The following LRCH3 variants were observed in gnomAD, a reference collection of about 807,000 sequenced individuals.
LRCH3 encodes DISP complex protein LRCH3.
Under a neutral mutation model 104.5 loss-of-function variants are expected in LRCH3, and 68 were observed. The ratio of observed to expected loss-of-function variants is 0.65; its 90% CI spans 0.54 to 0.80. LRCH3 has a LOEUF of 0.80. LRCH3 is among the 30% of genes least tolerant of loss of function. The pLI is 0.00. For synonymous variants in LRCH3, 344 were observed against 361.3 expected (o/e 0.95, Z 0.54); for missense variants, 951 against 953.9 (o/e 1.00, Z 0.04).
chr3:197,829,101 A>T (rs1735598325), intron 5 of LRCH3, among the ~76,000 whole-genome samples: 1 of 152,170 alleles, frequency 6.6e-6, no homozygotes, highest in Non-Finnish European at 1.5e-5. Flanking sequence ...TTGTGTTTTG[A>T]CTTCTGGGAC....
intron 3 of LRCH3, among the ~76,000 whole-genome samples, chr3:197,818,673 T>A (rs1734130847): frequency 6.6e-6 from 1 of 152,244 alleles, no homozygotes; most frequent in African/African-American, 2.4e-5. Flanking sequence ...TAAACTATAA[T>A]TCAAATTCTT....
In LRCH3 at chr3:197,810,704, A is replaced by G. The variant is rs910745748; in HGVS notation, c.263-4204A>G. ...TTACATTTCTACTTTGAGTATACAC[A>G]TTTAATTTTTTAAATTATTGTGGAG... On this transcript the variant is annotated intron_variant, in intron 1 of 20. Transcript: ENST00000425562. The surrounding 1 kb of genome is among the most constrained non-coding windows in gnomAD (Gnocchi z 4.0). Among the ~76,000 whole-genome samples the G allele has an allele frequency of 1.9e-4, 29 of 152,238 alleles. No individual in the cohort carries two copies. Among genetic ancestry groups the G allele is most frequent in the African/African-American group, 6.0e-4 (25 of 41,550 alleles).
intron 1 of LRCH3, among the ~76,000 whole-genome samples, chr3:197,797,649 T>C (rs529828975): frequency 6.7e-6 from 1 of 149,142 alleles, no homozygotes; most frequent in African/African-American, 2.5e-5. Context: ...TCACCTGAGG[T>C]GAGGAGTTTG....
At chr3:197,865,581 G>A in intron 16 of LRCH3, 110 bp downstream of exon 16, 1 of 639,994 alleles carries the variant, frequency 1.6e-6, no homozygotes, top group Non-Finnish European at 2.4e-6. Flanking sequence ...GACCAGGGTG[G>A]TCTCAAACTC....
At chr3:197,839,905 G>A (rs574374671) in intron 10 of LRCH3, among the ~76,000 whole-genome samples, 4 of 151,494 alleles carry the variant, frequency 2.6e-5, no homozygotes, top group African/African-American at 9.7e-5. Context: ...CTGGGAGGGT[G>A]AGACTGCAGT....
chr3:197,876,623 T>C (rs1712918165), intron 20 of LRCH3, among the ~76,000 whole-genome samples: 1 of 152,222 alleles, frequency 6.6e-6, no homozygotes, highest in African/African-American at 2.4e-5. Context: ...GTGATACTTT[T>C]TCATTAACCA....
chr3:197,793,866 A>T (rs115986731), intron 1 of LRCH3, among the ~76,000 whole-genome samples: 2,176 of 152,196 alleles, frequency 0.014, 39 homozygotes, highest in African/African-American at 0.049. Context: ...ATGAAATATA[A>T]AAAAAAATCT....
intron 10 of LRCH3, among the ~76,000 whole-genome samples, chr3:197,840,465 C>CAA (rs11387580): frequency 1.3e-5 from 2 of 151,770 alleles, no homozygotes; most frequent in Non-Finnish European, 2.9e-5. Flanking sequence ...TCAAAAAAAC[C>CAA]AAAAAAAGAA....
chr3:197,852,533 T>G, intron 12 of LRCH3, 28 bp from the exon 13 acceptor site: 1 of 1,611,420 alleles, frequency 6.2e-7, no homozygotes, highest in African/African-American at 1.3e-5. Context: ...ACCAACTTCC[T>G]TTTTTGGGGG....
chr3:197,860,925 TCA>T (rs959917176), intron 15 of LRCH3, among the ~76,000 whole-genome samples: 1 of 148,450 alleles, frequency 6.7e-6, no homozygotes, highest in African/African-American at 2.5e-5. Context: ...CCGGTAACCC[TCA>T]GTTTAGTCTG....
At chr3:197,847,850 C>A (rs759384064) in intron 11 of LRCH3, 22 bp from the exon 12 acceptor site, 1 of 1,610,192 alleles carries the variant, frequency 6.2e-7, no homozygotes, top group East Asian at 2.2e-5. Flanking sequence ...CTTTTGTATG[C>A]ACAATAACGC....
chr3:197,814,306 A>T (rs1011494760), intron 1 of LRCH3, among the ~76,000 whole-genome samples: 2 of 152,228 alleles, frequency 1.3e-5, no homozygotes, highest in Admixed American at 1.3e-4. Flanking sequence ...AGTCACTATC[A>T]CGAGAATAAC....
intron 10 of LRCH3, among the ~76,000 whole-genome samples, chr3:197,842,556 C>T (rs1737959782): frequency 6.6e-6 from 1 of 152,082 alleles, no homozygotes; most frequent in Non-Finnish European, 1.5e-5. Flanking sequence ...GGAAAGCTTG[C>T]TTACCCGTTT....
intron 16 of LRCH3, among the ~76,000 whole-genome samples, 153 bp from the exon 17 acceptor site, chr3:197,865,959 A>G (rs529971465): frequency 7.2e-5 from 11 of 152,318 alleles, no homozygotes; most frequent in African/African-American, 2.6e-4. Flanking sequence ...TCCTGGTTTC[A>G]TGATTATTTT....
rs952428263 is a variant in LRCH3 at position 197,826,981 on chromosome 3, A to C, written c.744A>C (p.Leu248=). The part of the protein sequence containing the change: ...RNLRHLQTIT[L]DNNPLQSPPA... ...TCAGGCACCTACAGACGATCACCCT[A>C]GATAACAATCCACTACAATCACCTC... The change falls in exon 5 of 21, where the codon CTA becomes CTC. Residue 248 remains leucine, a synonymous_variant. Transcript: ENST00000425562. 7 of 1,613,920 alleles carry C rather than the reference A, an allele frequency of 4.3e-6. No homozygotes were observed. In the Admixed American group the frequency reaches 1.2e-4, roughly 27 times the overall value.
chr3:197,830,736 C>A (rs1735817114), intron 6 of LRCH3, 34 bp from the exon 7 acceptor site: 1 of 1,530,726 alleles, frequency 6.5e-7, no homozygotes, highest in Non-Finnish European at 9.0e-7. Context: ...GTTAAAATAA[C>A]AAACTTTGCA....
At chr3:197,830,592 C>G (rs1032835517) in intron 6 of LRCH3, 178 bp from the exon 7 acceptor site, 2 of 551,396 alleles carry the variant, frequency 3.6e-6, no homozygotes, top group African/African-American at 1.9e-5. Flanking sequence ...AGGTCTCATG[C>G]TATTCTGTTT....
intron 15 of LRCH3, among the ~76,000 whole-genome samples, chr3:197,864,305 T>C (rs1741204060): frequency 7.1e-6 from 1 of 141,660 alleles, no homozygotes; most frequent in South Asian, 2.2e-4. Context: ...AGACTCCATC[T>C]CAAAAATAAA....
At chr3:197,877,973 C>T (rs1478299179) in intron 20 of LRCH3, among the ~76,000 whole-genome samples, 1 of 152,182 alleles carries the variant, frequency 6.6e-6, no homozygotes, top group African/African-American at 2.4e-5. Flanking sequence ...AACATACATT[C>T]TTTTAAACAA....
Sources: allele counts gnomAD v4.1 joint callset (sites outside exome capture counted in the v4.1 genomes callset), GRCh38; gene constraint gnomAD v4.1.1; non-coding constraint Gnocchi (gnomAD v3.1); transcripts MANE v1.5; gene names NCBI Gene and HGNC (gene_info 2026-07-23, HGNC 2026-07-21).